The following VPS53 variants were observed in gnomAD, a reference collection of about 807,000 sequenced individuals.
The protein encoded by VPS53 is vacuolar protein sorting-associated protein 53 homolog.
A neutral mutation model predicts 107.0 loss-of-function variants in VPS53; 70 were observed. That is an observed-to-expected ratio of 0.65 (90% CI 0.54 to 0.80). The LOEUF (loss-of-function observed/expected upper bound fraction) is 0.80. VPS53 is among the 30% of genes least tolerant of loss of function. The pLI is 0.00. For synonymous variants in VPS53, 409 were observed against 393.3 expected, an observed-to-expected ratio of 1.04 and a Z score of -0.47; for missense variants, 917 against 1,049.4, an observed-to-expected ratio of 0.87 and a Z score of 1.74.
Position 660,070 on chromosome 17 carries a change from T to C in VPS53, c.372+1739A>G, listed in dbSNP as rs73975797. Among the ~76,000 whole-genome samples, 403 of 152,286 alleles carry C rather than the reference T, an allele frequency of 2.6e-3. 3 individuals are homozygous for C. Among genetic ancestry groups the C allele is most frequent in the African/African-American group, 9.3e-3 (388 of 41,556 alleles). ...GACCACCTGTGAGACAGAATGCCCA[T>C]AGTTGATTTGCCTCAACTGTTGCCC... is the stretch of plus-strand genomic sequence containing the variant. On this transcript the variant is annotated intron_variant, in intron 5 of 21. Transcript: ENST00000437048.
intron 17 of VPS53, among the ~76,000 whole-genome samples, chr17:550,598 C>A (rs1911728886): frequency 6.6e-6 from 1 of 152,118 alleles, no homozygotes; most frequent in Admixed American, 6.5e-5. Context: ...CTACAAAGTT[C>A]TAGAGTTGCA....
At chr17:542,507 AAC>A (rs374477665) in intron 17 of VPS53, among the ~76,000 whole-genome samples, 34 of 152,230 alleles carry the variant, frequency 2.2e-4, no homozygotes, top group African/African-American at 8.0e-4. Flanking sequence ...GAATGCTCTT[AAC>A]ACAGTGTCTC....
intron 8 of VPS53, 92 bp from the exon 9 acceptor site, chr17:628,323 T>C: frequency 6.8e-7 from 1 of 1,470,852 alleles, no homozygotes; most frequent in Non-Finnish European, 9.3e-7. Context: ...CTCTACGCAT[T>C]GTCAGTCTTA....
At chr17:591,627 T>C (rs963424614) in intron 12 of VPS53, among the ~76,000 whole-genome samples, 4 of 152,224 alleles carry the variant, frequency 2.6e-5, no homozygotes, top group African/African-American at 9.6e-5. Context: ...TGCCTTCATT[T>C]CGTTATGTAC....
At chr17:657,002 A>G in intron 5 of VPS53, 1 of 876,842 alleles carries the variant, frequency 1.1e-6, no homozygotes, top group Non-Finnish European at 1.9e-6. Context: ...TCTGTTGGGG[A>G]TCACACCAAC....
At chr17:614,073 G>A (rs1377797206) in intron 11 of VPS53, among the ~76,000 whole-genome samples, 3 of 152,190 alleles carry the variant, frequency 2.0e-5, no homozygotes, top group Admixed American at 2.0e-4. Context: ...ACAGGCATCC[G>A]TAAAGACAAA....
Position 519,234 on chromosome 17 carries a change from G to C in VPS53, c.2393C>G (p.Pro798Arg). 6.5e-7 allele frequency: 1 copy of C among 1,547,732 alleles called. No individual in the cohort carries two copies. Among genetic ancestry groups the C allele is most frequent in the East Asian group, 2.4e-5 (1 of 40,824 alleles). ...TGAGCCGGAGCTTTCTGCCCCCGAG[G>C]GCGGTGCGGGGAGCCGCTGGCGCAG... ...ELLRQRLPAP[P>R]SGAESSGSLS... The change falls in exon 22 of 22, where the codon CCC becomes CGC. Residue 798 changes from proline (P) to arginine (R), a missense_variant. By Grantham distance (103) the Pro-to-Arg change is moderately radical. Transcript: ENST00000437048. The surrounding 1 kb of genome is among the most constrained non-coding windows in gnomAD (Gnocchi z 5.0).
chr17:596,592 G>A (rs1336993519), intron 12 of VPS53, among the ~76,000 whole-genome samples: 3 of 152,248 alleles, frequency 2.0e-5, no homozygotes, highest in East Asian at 1.9e-4. Flanking sequence ...CTTCTAGTGA[G>A]CTGAAGCAAG....
chr17:645,334 C>T (rs755726259), intron 7 of VPS53, among the ~76,000 whole-genome samples: 31 of 152,130 alleles, frequency 2.0e-4, no homozygotes, highest in Admixed American at 9.8e-4. Flanking sequence ...AAATCCTTTG[C>T]TGGTTTTTTA....
chr17:532,797 C>A, intron 19 of VPS53, 45 bp downstream of exon 19: 1 of 1,609,734 alleles, frequency 6.2e-7, no homozygotes. Context: ...GCTTGATCTA[C>A]AACAAAAGCT....
intron 13 of VPS53, among the ~76,000 whole-genome samples, chr17:571,955 C>T (rs1212583286): frequency 4.6e-5 from 7 of 151,534 alleles, no homozygotes; most frequent in East Asian, 1.9e-4. Flanking sequence ...AGCCTCTGCC[C>T]GGCCGCCACC....
intron 5 of VPS53, among the ~76,000 whole-genome samples, chr17:658,431 G>A (rs976837001): frequency 2.1e-5 from 3 of 144,210 alleles, no homozygotes; most frequent in African/African-American, 5.2e-5. Flanking sequence ...CCGTGAGTTC[G>A]TGGATAGATA....
Position 644,045 on chromosome 17 carries a change from G to C in VPS53, c.608+9246C>G, listed in dbSNP as rs561622596. ...TTCATGGTTTTCAAGAGAATGTAAG[G>C]CTCTTCCATTCTTCATTGGGAGATA... is the stretch of plus-strand genomic sequence containing the variant. On this transcript the variant is annotated intron_variant, in intron 7 of 21. Transcript: ENST00000437048. Among the ~76,000 whole-genome samples, 22 of 152,286 alleles carry C rather than the reference G, an allele frequency of 1.4e-4. No individual in the cohort carries two copies. The East Asian group carries it at 3.9e-3, about 27-fold the overall frequency.
rs374524691 is a variant in VPS53, at chr17:633,558, G to GT, written c.609-1931dup. Among the ~76,000 whole-genome samples, 44 of 152,242 alleles carry GT rather than the reference G, an allele frequency of 2.9e-4. No homozygotes were observed. In the East Asian group the frequency reaches 4.2e-3, roughly 15 times the overall value. On this transcript the variant is annotated intron_variant, in intron 7 of 21. Coordinates refer to ENST00000437048, the MANE Select transcript of VPS53 (RefSeq NM_001128159.3). Reference sequence around the variant, plus strand: ...GGATAGGCATGACCCAAAACAATCTGTTTTTTCCGTGGCGTGGTTACAATT... The same window carrying GT: ...GGATAGGCATGACCCAAAACAATCTGTTTTTTTCCGTGGCGTGGTTACAATT...
chr17:533,024 G>A lies in VPS53; in HGVS notation c.2016-113C>T, dbSNP rs903637629. 30 of 1,474,488 alleles carry A rather than the reference G, an allele frequency of 2.0e-5. 1 individual carries two copies. In the South Asian group the frequency reaches 3.2e-4, roughly 16 times the overall value. The allele number at this position is 1,474,488 out of a possible 1,614,324, so 91.3% of individuals were successfully genotyped here. ...AAAAAACCTTTTTTAATGAAGAATCGAAGTGGACTCCACTGTTGCCCATTA... is the reference window on the plus strand; with the variant it reads ...AAAAAACCTTTTTTAATGAAGAATCAAAGTGGACTCCACTGTTGCCCATTA... On this transcript the variant is annotated intron_variant, in intron 18 of 21. Coordinates refer to ENST00000437048, the MANE Select transcript of VPS53 (RefSeq NM_001128159.3).
chr17:553,232 C>T (rs376328760), intron 16 of VPS53, 148 bp downstream of exon 16: 15 of 524,576 alleles, frequency 2.9e-5, no homozygotes, highest in Non-Finnish European at 4.4e-5. Context: ...AGTGAGCAAG[C>T]GTGTACAAGG....
rs1324286577 is a variant in VPS53, at chr17:680,478, T to C, written c.285+16940A>G. ...GACCCAGCAAGCATTTATGAAAGGTTAAATATTTTAAAAAGAAGGAAAAAA... is the reference window on the plus strand; with the variant it reads ...GACCCAGCAAGCATTTATGAAAGGTCAAATATTTTAAAAAGAAGGAAAAAA... On this transcript the variant is annotated intron_variant, in intron 4 of 21. Transcript: ENST00000437048. Among the ~76,000 whole-genome samples the C allele has an allele frequency of 2.0e-5, 3 of 152,022 alleles. No homozygotes were observed. In the East Asian group the frequency reaches 5.8e-4, roughly 29 times the overall value.
At chr17:702,984 T>C (rs190946420) in intron 2 of VPS53, among the ~76,000 whole-genome samples, 2 of 152,098 alleles carry the variant, frequency 1.3e-5, no homozygotes, top group East Asian at 1.9e-4. Context: ...GGTACGTGGG[T>C]TTCCTAAGCT....
At chr17:688,836 C>T (rs1446850325) in intron 4 of VPS53, among the ~76,000 whole-genome samples, 1 of 152,218 alleles carries the variant, frequency 6.6e-6, no homozygotes, top group East Asian at 1.9e-4. Flanking sequence ...CAGGGCTGCC[C>T]CACAGATCAC....
Sources: gnomAD v4.1 joint callset for allele counts (sites outside exome capture counted in the v4.1 genomes callset) on GRCh38, gnomAD v4.1.1 for gene constraint, Gnocchi (gnomAD v3.1) non-coding constraint, MANE v1.5 for transcripts, NCBI Gene and HGNC (gene_info 2026-07-23, HGNC 2026-07-21) for gene names.